CFAP299: variants seen among roughly 807,000 people sequenced by gnomAD.
The protein encoded by CFAP299 is cilia and flagella associated protein 299, also known as cilia- and flagella-associated protein 299.
Under a neutral mutation model 27.0 loss-of-function variants are expected in CFAP299, and 21 were observed. The ratio of observed to expected loss-of-function variants is 0.78; its 90% CI spans 0.55 to 1.12. The LOEUF (loss-of-function observed/expected upper bound fraction) is 1.12. Among genes scored for constraint, CFAP299 ranks in the 50% most tolerant of loss-of-function variants. CFAP299 has a pLI of 0.00. For missense variants in CFAP299, 310 were observed against 276.6 expected, an observed-to-expected ratio of 1.12 and a Z score of -0.86; for synonymous variants, 104 against 98.1, an observed-to-expected ratio of 1.06 and a Z score of -0.36.
intron 4 of CFAP299, among the ~76,000 whole-genome samples, chr4:80,916,940 T>TAATCTAGG (rs1178869803): frequency 1.3e-5 from 2 of 151,962 alleles, no homozygotes; most frequent in Admixed American, 1.3e-4. Context: ...TTTGATTAAG[T>TAATCTAGG]AATCTAGGAG....
At chr4:80,887,506 A>C (rs1734030822) in intron 4 of CFAP299, among the ~76,000 whole-genome samples, 1 of 152,146 alleles carries the variant, frequency 6.6e-6, no homozygotes, top group African/African-American at 2.4e-5. Context: ...ATGAAGGAGA[A>C]ATAAATAACT....
intron 4 of CFAP299, among the ~76,000 whole-genome samples, chr4:80,931,172 T>C (rs1736597370): frequency 7.8e-6 from 1 of 128,794 alleles, no homozygotes; most frequent in African/African-American, 2.7e-5. Context: ...AGTGAGTGAG[T>C]GAGTGAGTGA....
chr4:80,386,692 C>T, intron 2 of CFAP299: 1 of 1,577,246 alleles, frequency 6.3e-7, no homozygotes, highest in South Asian at 1.1e-5. Context: ...GGCTGAAGGA[C>T]CTGCTGCACA....
intron 4 of CFAP299, among the ~76,000 whole-genome samples, chr4:80,921,939 T>C (rs1230953203): frequency 1.3e-5 from 2 of 151,850 alleles, no homozygotes; most frequent in Non-Finnish European, 2.9e-5. Flanking sequence ...CATGGATGTC[T>C]CAAAAAACAG....
chr4:80,700,656 A>G (rs1397144370), intron 3 of CFAP299, among the ~76,000 whole-genome samples: 2 of 152,110 alleles, frequency 1.3e-5, no homozygotes, highest in East Asian at 3.8e-4. Flanking sequence ...CAGTGCATTC[A>G]GGAATACATG....
At chr4:80,782,959 G>C (rs1158554698) in intron 3 of CFAP299, among the ~76,000 whole-genome samples, 1 of 151,680 alleles carries the variant, frequency 6.6e-6, no homozygotes, top group Admixed American at 6.6e-5. Flanking sequence ...CTTCAGACAA[G>C]TATGTAATTC....
intron 3 of CFAP299, among the ~76,000 whole-genome samples, chr4:80,785,849 G>A (rs1191320814): frequency 1.3e-5 from 2 of 152,056 alleles, no homozygotes; most frequent in Non-Finnish European, 2.9e-5. Context: ...TCTATAAGTG[G>A]TTTCATCAAT....
chr4:80,473,246 G>T (rs1258463278), intron 2 of CFAP299, among the ~76,000 whole-genome samples: 2 of 152,084 alleles, frequency 1.3e-5, no homozygotes, highest in African/African-American at 4.8e-5. Flanking sequence ...CAGATGAGTA[G>T]CGATCAGCCA....
intron 2 of CFAP299, among the ~76,000 whole-genome samples, chr4:80,527,322 T>C (rs1733244339): frequency 6.6e-6 from 1 of 152,120 alleles, no homozygotes; most frequent in Non-Finnish European, 1.5e-5. Context: ...AATTAGGTTA[T>C]GAAGGCACAG....
At chr4:80,530,290 A>G (rs1733403144) in intron 2 of CFAP299, among the ~76,000 whole-genome samples, 1 of 152,174 alleles carries the variant, frequency 6.6e-6, no homozygotes, top group Non-Finnish European at 1.5e-5. Flanking sequence ...ATTTCTTTCA[A>G]AAATATTATA....
intron 2 of CFAP299, among the ~76,000 whole-genome samples, chr4:80,555,516 T>A (rs1734738546): frequency 6.6e-6 from 1 of 152,182 alleles, no homozygotes; most frequent in Non-Finnish European, 1.5e-5. Flanking sequence ...CCTCATAGAA[T>A]AAGTTTGGGA....
chr4:80,499,445 C>T lies in CFAP299; in HGVS notation c.243-83648C>T, dbSNP rs929528595. Among the ~76,000 whole-genome samples the T allele has an allele frequency of 2.6e-5, 4 of 152,130 alleles. No individual in the cohort carries two copies. The East Asian group carries it at 7.7e-4, about 29-fold the overall frequency. ...TTTATAACACTGACAGATATTTTTT[C>T]CATGTAATGATTTAGCTTTAAATAT... On this transcript the variant is annotated intron_variant, in intron 2 of 5. Transcript: ENST00000358105.
At chr4:80,869,077 C>A (rs1017740642) in intron 3 of CFAP299, among the ~76,000 whole-genome samples, 6 of 151,958 alleles carry the variant, frequency 3.9e-5, no homozygotes, top group African/African-American at 9.7e-5. Context: ...GGAGGCGCAG[C>A]CTTGCTAGAC....
chr4:80,640,374 G>A (rs1470729721), intron 3 of CFAP299, among the ~76,000 whole-genome samples: 2 of 152,224 alleles, frequency 1.3e-5, no homozygotes, highest in East Asian at 3.9e-4. Flanking sequence ...TTGCTTGCCT[G>A]CCCAACCAGG....
At chr4:80,509,585 T>C (rs1732196488) in intron 2 of CFAP299, among the ~76,000 whole-genome samples, 1 of 152,124 alleles carries the variant, frequency 6.6e-6, no homozygotes, top group African/African-American at 2.4e-5. Flanking sequence ...TCTTATAAAA[T>C]TGCTTATTTC....
intron 4 of CFAP299, among the ~76,000 whole-genome samples, chr4:80,908,821 T>C (rs1385935743): frequency 6.6e-6 from 1 of 152,172 alleles, no homozygotes; most frequent in African/African-American, 2.4e-5. Context: ...CTTACTGTTG[T>C]GCTTGATGTA....
chr4:80,484,598 T>C (rs1040828882), intron 2 of CFAP299, among the ~76,000 whole-genome samples: 8 of 152,298 alleles, frequency 5.3e-5, no homozygotes, highest in South Asian at 2.1e-4. Context: ...CATTGATTTC[T>C]TTTTACTAAA....
chr4:80,537,086 A>G (rs1281910813), intron 2 of CFAP299, among the ~76,000 whole-genome samples: 1 of 152,166 alleles, frequency 6.6e-6, no homozygotes, highest in Non-Finnish European at 1.5e-5. Flanking sequence ...GCCAACAGGA[A>G]TAAAAATGCT....
At chr4:80,668,334 C>T (rs1203530590) in intron 3 of CFAP299, among the ~76,000 whole-genome samples, 6 of 152,070 alleles carry the variant, frequency 3.9e-5, no homozygotes, top group Non-Finnish European at 5.9e-5. Context: ...TCTATTGTTG[C>T]CTACTTTGCC....
Sources: allele counts gnomAD v4.1 joint callset (sites outside exome capture counted in the v4.1 genomes callset), GRCh38; gene constraint gnomAD v4.1.1; transcripts MANE v1.5; gene names NCBI Gene and HGNC (gene_info 2026-07-23, HGNC 2026-07-21).